MCM9: variants seen among roughly 807,000 people sequenced by gnomAD.
MCM9 encodes minichromosome maintenance 9 homologous recombination repair factor.
Under a neutral mutation model 72.8 loss-of-function variants are expected in MCM9, and 55 were observed. That is an observed-to-expected ratio of 0.76 (90% CI 0.61 to 0.95). The LOEUF is 0.95. Ranked by LOEUF, MCM9 falls within the 40% of genes least tolerant of loss-of-function variation. The pLI is 0.00. For missense variants in MCM9, 1,279 were observed against 1,377.0 expected (o/e 0.93, Z 1.13); for synonymous variants, 480 against 503.4 (o/e 0.95, Z 0.62).
At chr6:118,895,143 T>G (rs1321731323) in intron 8 of MCM9, among the ~76,000 whole-genome samples, 2 of 151,976 alleles carry the variant, frequency 1.3e-5, no homozygotes, top group Admixed American at 1.3e-4. Context: ...CGCGCTGATT[T>G]CTGGCTTCCT....
At chr6:118,824,830 T>C (rs1388961969) in intron 13 of MCM9, among the ~76,000 whole-genome samples, 3 of 152,184 alleles carry the variant, frequency 2.0e-5, no homozygotes, top group African/African-American at 7.2e-5. Flanking sequence ...TAATTCACTT[T>C]CATTTGCATA....
intron 13 of MCM9, among the ~76,000 whole-genome samples, chr6:118,817,135 TTTTAC>T (rs910058896): frequency 1.6e-4 from 25 of 152,290 alleles, no homozygotes; most frequent in African/African-American, 5.8e-4. Flanking sequence ...TCTTGTTTTT[TTTTAC>T]TTTAAGTTCT....
chr6:118,878,145 G>C (rs1778057702), intron 8 of MCM9, among the ~76,000 whole-genome samples: 1 of 152,116 alleles, frequency 6.6e-6, no homozygotes, highest in Admixed American at 6.5e-5. Context: ...CTGGGTGACA[G>C]AGCGAGACCC....
chr6:118,927,231 T>C (rs1286297899), intron 3 of MCM9, among the ~76,000 whole-genome samples: 1 of 152,010 alleles, frequency 6.6e-6, no homozygotes, highest in Non-Finnish European at 1.5e-5. Flanking sequence ...TTACAGAAAA[T>C]GTGGTGTTAC....
chr6:118,815,616 A>C lies in MCM9; in HGVS notation c.2640T>G (p.Pro880=), dbSNP rs1352629767. 1 of 1,550,506 alleles carries C rather than the reference A, an allele frequency of 6.4e-7. No homozygotes were observed. Among genetic ancestry groups the C allele is most frequent in the South Asian group, 1.2e-5 (1 of 84,060 alleles). Residue 880 remains proline (P), a synonymous_variant, in exon 14 of 14, where the codon CCT becomes CCG. Transcript: ENST00000619706. ...CTVPSHPQST[P]VHSPDRMLDS... ...CCAGCATTCTGTCTGGGCTATGTAC[A>C]GGAGTGGACTGAGGATGGGAAGGGA...
At chr6:118,878,213 G>A (rs1778063433) in intron 8 of MCM9, among the ~76,000 whole-genome samples, 2 of 151,846 alleles carry the variant, frequency 1.3e-5, no homozygotes, top group Non-Finnish European at 2.9e-5. Flanking sequence ...AACACAATAT[G>A]GAGAGAATAT....
intron 8 of MCM9, among the ~76,000 whole-genome samples, chr6:118,879,058 A>G (rs1010356238): frequency 6.6e-6 from 1 of 152,198 alleles, no homozygotes; most frequent in African/African-American, 2.4e-5. Flanking sequence ...CCTGTCTCAA[A>G]AACAAAACAA....
At chr6:118,922,909 G>A (rs947198006) in intron 4 of MCM9, among the ~76,000 whole-genome samples, 56 of 151,644 alleles carry the variant, frequency 3.7e-4, no homozygotes, top group African/African-American at 1.3e-3. Context: ...GCACACGCCC[G>A]TAATCCCAGC....
chr6:118,822,326 T>C (rs1052045712), intron 13 of MCM9, among the ~76,000 whole-genome samples: 1 of 152,148 alleles, frequency 6.6e-6, no homozygotes, highest in Non-Finnish European at 1.5e-5. Flanking sequence ...TTTTTGTTGA[T>C]GTTGTTGTTT....
At chr6:118,834,416 A>T (rs1288782752) in intron 9 of MCM9, among the ~76,000 whole-genome samples, 1 of 152,150 alleles carries the variant, frequency 6.6e-6, no homozygotes, top group East Asian at 1.9e-4. Flanking sequence ...TCGGTTATAG[A>T]TCCTTGAGGA....
At chr6:118,894,574 G>C (rs1779213339) in intron 8 of MCM9, 1 of 1,448,050 alleles carries the variant, frequency 6.9e-7, no homozygotes, top group Admixed American at 2.0e-5. Flanking sequence ...TGCAGACGTT[G>C]AAAGTTTCCC....
chr6:118,853,724 A>C (rs896091974), intron 9 of MCM9, among the ~76,000 whole-genome samples: 1 of 152,176 alleles, frequency 6.6e-6, no homozygotes, highest in African/African-American at 2.4e-5. Context: ...GCTTGAGCCC[A>C]GGAGTTCAAG....
At chr6:118,892,221 G>A (rs973341891) in intron 8 of MCM9, among the ~76,000 whole-genome samples, 1 of 152,230 alleles carries the variant, frequency 6.6e-6, no homozygotes, top group African/African-American at 2.4e-5. Flanking sequence ...GACAGGAGAA[G>A]CCTGGAGCTA....
At chr6:118,861,668 G>A (rs1776913722) in intron 8 of MCM9, among the ~76,000 whole-genome samples, 1 of 152,242 alleles carries the variant, frequency 6.6e-6, no homozygotes, top group Non-Finnish European at 1.5e-5. Context: ...CCTGATGAGT[G>A]TGTGCATCTG....
chr6:118,910,665 C>T lies in MCM9; in HGVS notation c.1150+985G>A, dbSNP rs1057091180. 1.0e-5 allele frequency: 10 copies of T among 985,320 alleles called. No homozygotes were observed. The African/African-American group carries it at 1.2e-4, about 12-fold the overall frequency. 61.0% of individuals were successfully genotyped at this position (985,320 alleles called of 1,614,324 possible). A position where few individuals can be genotyped will look rare whatever the true frequency, so the allele number is the denominator to read the frequency against. ...CAGAACTCTAGAACACTGGGTCATACGGATTTAAAACGCATGGGAAATATT... is the reference window on the plus strand; with the variant it reads ...CAGAACTCTAGAACACTGGGTCATATGGATTTAAAACGCATGGGAAATATT... On this transcript the variant is annotated intron_variant, in intron 8 of 13. Transcript: ENST00000619706.
Position 118,815,994 on chromosome 6 carries a change from T to C in MCM9, c.2262A>G (p.Glu754=), listed in dbSNP as rs1190611764. Residue 754 remains glutamate, a synonymous_variant, in exon 14 of 14, where the codon GAA becomes GAG. Coordinates refer to ENST00000619706, the MANE Select transcript of MCM9 (RefSeq NM_017696.3). ...GAGACACAACAACAGTGTTTTTAGG[T>C]TCACTCTGATGAGTTGCCATGAAAT... is the stretch of plus-strand genomic sequence containing the variant. ...WFDFMATHQS[E]PKNTVVVSPH... is the part of the protein sequence containing the mutation. 6.4e-7 allele frequency: 1 copy of C among 1,550,430 alleles called. No homozygotes were observed. The highest frequency in any genetic ancestry group is 1.4e-5 in the African/African-American group (1 of 73,042).
chr6:118,815,056 G>A lies in MCM9; in HGVS notation c.3200C>T (p.Ser1067Leu), dbSNP rs1333923695. The change falls in exon 14 of 14, where the codon TCG (serine) becomes TTG (leucine). Residue 1067 changes from serine to leucine, a missense_variant. By Grantham distance (145) the Ser-to-Leu change is moderately radical. Transcript: ENST00000619706. ...AGGAGGGGATTTTGATTTGGATTCC[G>A]ATGGGGGAGTAAAGCAGAAGTTTGC... ...RLANFCFTPP[S>L]ESKSKSPPPE... 7.1e-6 allele frequency: 11 copies of A among 1,550,438 alleles called. No individual in the cohort carries two copies. Among genetic ancestry groups the A allele is most frequent in the African/African-American group, 5.5e-5 (4 of 72,992 alleles).
At chr6:118,908,658 CA>C (rs1230113250) in intron 8 of MCM9, 3 of 152,176 alleles carry the variant, frequency 2.0e-5, no homozygotes, top group African/African-American at 7.2e-5. Flanking sequence ...GCTTTTCCAA[CA>C]AATCTTTGAA....
chr6:118,930,485 G>T (rs972310928), intron 3 of MCM9, among the ~76,000 whole-genome samples: 1 of 152,154 alleles, frequency 6.6e-6, no homozygotes, highest in Non-Finnish European at 1.5e-5. Flanking sequence ...CAATATTCTG[G>T]ACCTGCTTTT....
Sources: allele counts gnomAD v4.1 joint callset (sites outside exome capture counted in the v4.1 genomes callset), GRCh38; gene constraint gnomAD v4.1.1; transcripts MANE v1.5; gene names NCBI Gene and HGNC (gene_info 2026-07-23, HGNC 2026-07-21).